TMEM67: variants seen among roughly 807,000 people sequenced by gnomAD.
TMEM67 encodes the protein transmembrane protein 67.
A neutral mutation model predicts 136.6 loss-of-function variants in TMEM67; 124 were observed. The ratio of observed to expected loss-of-function variants is 0.91; its 90% confidence interval spans 0.78 to 1.05. TMEM67 has a LOEUF of 1.05. TMEM67 is among the 50% of genes least tolerant of loss of function. The pLI is 0.00. For synonymous variants in TMEM67, 364 were observed against 390.5 expected, an observed-to-expected ratio of 0.93 and a Z score of 0.80; for missense variants, 1,107 against 1,178.4, an observed-to-expected ratio of 0.94 and a Z score of 0.89.
At chr8:93,804,901 T>A in intron 23 of TMEM67, 23 bp downstream of exon 23, 1 of 1,368,978 alleles carries the variant, frequency 7.3e-7, no homozygotes. Flanking sequence ...TTTACATCTT[T>A]TTGTTTTTAA....
chr8:93,775,578 C>T (rs1389160412), intron 7 of TMEM67, among the ~76,000 whole-genome samples: 2 of 152,120 alleles, frequency 1.3e-5, no homozygotes, highest in East Asian at 3.9e-4. Context: ...TATGGCTAGC[C>T]AGTTTTCCCA....
Position 93,791,334 on chromosome 8 carries a change from A to G in TMEM67, c.1575+15A>G, listed in dbSNP as rs1263636426. On this transcript the variant is annotated intron_variant, in intron 15 of 27. Transcript: ENST00000453321. ...TCCAGACAGATGTAAGTTTATTTTA[A>G]CCTTTTAAAATATATACAGTGTATT... 1 of 1,551,204 alleles carries G rather than the reference A, an allele frequency of 6.4e-7. No homozygotes were observed. Among genetic ancestry groups the G allele is most frequent in the South Asian group, 1.1e-5 (1 of 88,964 alleles).
At chr8:93,815,142 A>G (rs1205334900) in intron 26 of TMEM67, among the ~76,000 whole-genome samples, 163 bp from the exon 27 acceptor site, 6 of 152,234 alleles carry the variant, frequency 3.9e-5, no homozygotes. Flanking sequence ...TAGATGAACA[A>G]ATCTTAAAAT....
chr8:93,771,095 G>A (rs1229438004), intron 6 of TMEM67, among the ~76,000 whole-genome samples: 2 of 151,736 alleles, frequency 1.3e-5, no homozygotes, highest in Non-Finnish European at 2.9e-5. Flanking sequence ...TGATTAATAC[G>A]TTAGTCTGAG....
At chr8:93,761,500 T>G (rs182114266) in intron 3 of TMEM67, among the ~76,000 whole-genome samples, 1 of 152,358 alleles carries the variant, frequency 6.6e-6, no homozygotes, top group Non-Finnish European at 1.5e-5. Flanking sequence ...TGGATACACT[T>G]AACTGTATGC....
chr8:93,813,335 C>T (rs1024948224), intron 26 of TMEM67, among the ~76,000 whole-genome samples: 5 of 152,088 alleles, frequency 3.3e-5, no homozygotes, highest in African/African-American at 1.2e-4. Flanking sequence ...CCTGCCACCA[C>T]ACCTGGCTAA....
At chr8:93,755,650 A>T (rs763650419) in intron 1 of TMEM67, 128 bp from the exon 2 acceptor site, 9 of 672,194 alleles carry the variant, frequency 1.3e-5, no homozygotes, top group Non-Finnish European at 2.0e-5. Context: ...CTGCCTCCAG[A>T]ATCCTGCTGT....
In TMEM67 at chr8:93,759,955, G is replaced by A. The variant is rs60659894; in HGVS notation, c.406+1379G>A. 3.1e-3 allele frequency: 4,812 copies of A among 1,537,528 alleles called. 132 individuals are homozygous for A. The African/African-American group carries it at 0.057, about 18-fold the overall frequency. ...GAGCCACCGCACCTGACCTTGGCATGTACTTTAGAAGGAATGTACAACATA... is the reference window on the plus strand; with the variant it reads ...GAGCCACCGCACCTGACCTTGGCATATACTTTAGAAGGAATGTACAACATA... On this transcript the variant is annotated intron_variant, in intron 3 of 27. Coordinates refer to ENST00000453321, the MANE Select transcript of TMEM67 (RefSeq NM_153704.6).
At chr8:93,796,385 C>G (rs1814617359) in intron 18 of TMEM67, among the ~76,000 whole-genome samples, 1 of 152,106 alleles carries the variant, frequency 6.6e-6, no homozygotes. Context: ...TCTCCAGATT[C>G]CTTTGCTCCT....
chr8:93,781,539 A>G lies in TMEM67; in HGVS notation c.979-119A>G, dbSNP rs1374624933. 3 of 536,186 alleles carry G rather than the reference A, an allele frequency of 5.6e-6. No homozygotes were observed. In the East Asian group the frequency reaches 9.1e-5, roughly 16 times the overall value. The allele number at this position is 536,186 out of a possible 1,614,324, so 33.2% of individuals were successfully genotyped here. On this transcript the variant is annotated intron_variant, in intron 9 of 27. Coordinates refer to ENST00000453321, the MANE Select transcript of TMEM67 (RefSeq NM_153704.6). The stretch of plus-strand genomic sequence containing the variant: ...AAATAGATTAATTGAACCTCAAAAT[A>G]AAGATAATTGAATGTAATTTTTCAA...
chr8:93,823,990 C>T (rs1264094078), downstream of TMEM67, among the ~76,000 whole-genome samples: 2 of 152,146 alleles, frequency 1.3e-5, no homozygotes, highest in Admixed American at 6.6e-5. Context: ...AAGCCAAAGT[C>T]AATGATCTAA....
chr8:93,818,977 AT>A (rs774157697), downstream of TMEM67: 48 of 403,572 alleles, frequency 1.2e-4, no homozygotes, highest in East Asian at 2.3e-4. Context: ...AATTTTTTGT[AT>A]TTTTTTTGTA....
At chr8:93,787,803 C>T (rs762847830) in intron 13 of TMEM67, 41 bp from the exon 14 acceptor site, 81 of 1,440,770 alleles carry the variant, frequency 5.6e-5, no homozygotes, top group Non-Finnish European at 4.4e-5. Flanking sequence ...TTTAAAGGCC[C>T]GGATATACTG....
At chr8:93,806,851 TATTA>T (rs1815171971) in intron 23 of TMEM67, among the ~76,000 whole-genome samples, 1 of 152,116 alleles carries the variant, frequency 6.6e-6, no homozygotes, top group Non-Finnish European at 1.5e-5. Context: ...AAAAAGGGAA[TATTA>T]ATTGATGTTA....
chr8:93,774,681 C>G (rs1454386694), intron 7 of TMEM67, among the ~76,000 whole-genome samples: 1 of 152,206 alleles, frequency 6.6e-6, no homozygotes, highest in Admixed American at 6.5e-5. Context: ...CTGCAAAGGA[C>G]ATGAACTCAT....
chr8:93,776,959 C>T (rs1175718015), intron 7 of TMEM67, among the ~76,000 whole-genome samples: 1 of 152,130 alleles, frequency 6.6e-6, no homozygotes, highest in Non-Finnish European at 1.5e-5. Flanking sequence ...TGGTAGAATT[C>T]GGCTGTGAAT....
chr8:93,832,410 AC>A, the TMEM67 span, among the ~76,000 whole-genome samples: 1 of 152,130 alleles, frequency 6.6e-6, no homozygotes, highest in South Asian at 2.1e-4. Context: ...TACTTTACCT[AC>A]AGAACAATTT....
intron 9 of TMEM67, among the ~76,000 whole-genome samples, chr8:93,781,281 G>A (rs1269284592): frequency 1.3e-5 from 2 of 152,122 alleles, no homozygotes; most frequent in Non-Finnish European, 2.9e-5. Flanking sequence ...CCTTAAAGAA[G>A]TGCTTCCAAA....
chr8:93,772,481 CTG>C, intron 6 of TMEM67, 106 bp from the exon 7 acceptor site: 1 of 805,804 alleles, frequency 1.2e-6, no homozygotes, highest in Non-Finnish European at 2.1e-6. Context: ...CTATTAGTAA[CTG>C]TTTTTCTACT....
Sources: gnomAD v4.1 joint callset for allele counts (sites outside exome capture counted in the v4.1 genomes callset) on GRCh38, gnomAD v4.1.1 for gene constraint, MANE v1.5 for transcripts, NCBI Gene and HGNC (gene_info 2026-07-23, HGNC 2026-07-21) for gene names.